Variants in TMEM184A observed in about 807,000 individuals in gnomAD.
TMEM184A encodes sexually dimorphic, expressed in male gonads 1.
Under a neutral mutation model 39.5 loss-of-function variants are expected in TMEM184A, and 40 were observed. The ratio of observed to expected loss-of-function variants is 1.01; its 90% CI spans 0.79 to 1.32. The LOEUF (loss-of-function observed/expected upper bound fraction) is 1.32. Ranked by LOEUF, TMEM184A falls within the 40% of genes most tolerant of loss-of-function variation. The pLI is 0.00. For synonymous variants in TMEM184A, 280 were observed against 252.3 expected, an observed-to-expected ratio of 1.11 and a Z score of -1.04; for missense variants, 603 against 568.8, an observed-to-expected ratio of 1.06 and a Z score of -0.61.
At position 1,546,566 on chromosome 7, in the gene TMEM184A, G is replaced by A. The variant is rs896420088; in HGVS notation, c.*386C>T. On this transcript the variant is annotated 3_prime_UTR_variant, in exon 9 of 9. Transcript: ENST00000297477. ...CAGCTGCCCAGCCTGGGATCCGTCC[G>A]CTGTCTGTCTCCTGAACCAGGGAGT... is the stretch of plus-strand genomic sequence containing the variant. 2.5e-4 allele frequency: 47 copies of A among 184,506 alleles called. 1 individual carries two copies. The highest frequency in any genetic ancestry group is 4.3e-4 in the Admixed American group (7 of 16,212). The allele number at this position is 184,506 out of a possible 1,614,324, so 11.4% of individuals were successfully genotyped here. A position where few individuals can be genotyped will look rare whatever the true frequency, so the allele number is the denominator to read the frequency against.
chr7:1,554,975 T>G (rs1430672005), intron 2 of TMEM184A, among the ~76,000 whole-genome samples: 1 of 152,104 alleles, frequency 6.6e-6, no homozygotes, highest in East Asian at 1.9e-4. Context: ...AGTCTTCTTG[T>G]CTGTGAAATG....
Position 1,542,701 on chromosome 7 carries a change from CTCTT to C in TMEM184A, c.*4247_*4250del, listed in dbSNP as rs1784224416. 6.6e-6 allele frequency: 1 copy of C among 152,524 alleles called. No homozygotes were observed. The highest frequency in any genetic ancestry group is 2.4e-5 in the African/African-American group (1 of 41,458). The allele number at this position is 152,524 out of a possible 1,614,324, so 9.4% of individuals were successfully genotyped here. On this transcript the variant is annotated 3_prime_UTR_variant, in exon 9 of 9. Coordinates refer to ENST00000297477, the MANE Select transcript of TMEM184A (RefSeq NM_001097620.2). Reference sequence around the variant, plus strand: ...TTTTATTTAAGAAAAAGACGAGGGACTCTTTGTCACGTGGGTTTGTTTTCTGTCT... The same window carrying C: ...TTTTATTTAAGAAAAAGACGAGGGACTGTCACGTGGGTTTGTTTTCTGTCT...
intron 3 of TMEM184A, among the ~76,000 whole-genome samples, 183 bp downstream of exon 3, chr7:1,550,634 C>T (rs1194291583): frequency 5.9e-5 from 9 of 152,292 alleles, no homozygotes; most frequent in Admixed American, 5.2e-4. Context: ...CTCACGGAGG[C>T]TGTGGGGTCA....
intron 6 of TMEM184A, 200 bp downstream of exon 6, chr7:1,549,654 C>G (rs1209327765): frequency 4.4e-6 from 3 of 688,394 alleles, no homozygotes; most frequent in African/African-American, 1.8e-5. Context: ...CCTAGCCCAG[C>G]CGGACGCCAG....
In TMEM184A at chr7:1,550,987, G is replaced by T; in HGVS notation, c.220-5C>A. The T allele has an allele frequency of 6.2e-7, 1 of 1,610,550 alleles. No individual in the cohort carries two copies. Among genetic ancestry groups the T allele is most frequent in the Non-Finnish European group, 8.5e-7 (1 of 1,179,006 alleles). ...GGAGCGCAGGTGCAGATAGATCTGGGCGCAGGAGGGGTCGCATGAGAGCCG... is the reference window on the plus strand; with the variant it reads ...GGAGCGCAGGTGCAGATAGATCTGGTCGCAGGAGGGGTCGCATGAGAGCCG... On this transcript the variant is annotated splice_polypyrimidine_tract_variant and splice_region_variant and intron_variant, in intron 2 of 8. Transcript: ENST00000297477.
At chr7:1,548,400 G>A in intron 7 of TMEM184A, 119 bp downstream of exon 7, 2 of 1,216,456 alleles carry the variant, frequency 1.6e-6, no homozygotes, top group Non-Finnish European at 2.3e-6. Context: ...GCTGACCTGT[G>A]CTGCAGCTGG....
chr7:1,551,797 C>CGTGGTGGCGCGCGCCTGT (rs1784611055), intron 2 of TMEM184A, among the ~76,000 whole-genome samples: 2 of 151,952 alleles, frequency 1.3e-5, no homozygotes, highest in Non-Finnish European at 2.9e-5. Flanking sequence ...ATTAGCCAGG[C>CGTGGTGGCGCGCGCCTGT]ATGGTGGCGC....
At chr7:1,549,073 TGTGA>T (rs1247995497) in intron 6 of TMEM184A, 12 of 485,758 alleles carry the variant, frequency 2.5e-5, no homozygotes, top group African/African-American at 1.4e-4. Context: ...GTCGTTCCCG[TGTGA>T]GTGTGTGCAC....
Position 1,555,442 on chromosome 7 carries a change from G to C in TMEM184A, c.43C>G (p.Leu15Val). ...SGILETAGVP[L>V]VSANWPQPSP... ...GGCTGCGGCCAGTTCGCTGACACCA[G>C]GGGGACGCCGGCTGTCTCCAGGATC... is the stretch of plus-strand genomic sequence containing the variant. Residue 15 changes from leucine (L) to valine (V), a missense_variant, in exon 2 of 9, where the codon CTG (leucine) becomes GTG (valine). Transcript: ENST00000297477. The surrounding 1 kb of genome is among the most constrained non-coding windows in gnomAD (Gnocchi z 5.2). 1 of 1,610,172 alleles carries C rather than the reference G, an allele frequency of 6.2e-7. No individual in the cohort carries two copies. Among genetic ancestry groups the C allele is most frequent in the African/African-American group, 1.3e-5 (1 of 74,994 alleles).
At chr7:1,549,501 G>C (rs1343425787) in intron 6 of TMEM184A, 1 of 482,214 alleles carries the variant, frequency 2.1e-6, no homozygotes, top group South Asian at 1.5e-5. Context: ...CTGGCCAGAA[G>C]CCCTGGGGTC....
In TMEM184A at chr7:1,546,620, C is replaced by T. The variant is rs1026744236; in HGVS notation, c.*332G>A. Reference sequence around the variant, plus strand: ...ACCCACTCACAGCTCCCATGGGGTCCGTGCAGCCAAGGCCCCGCAGCCACA... The same window carrying T: ...ACCCACTCACAGCTCCCATGGGGTCTGTGCAGCCAAGGCCCCGCAGCCACA... On this transcript the variant is annotated 3_prime_UTR_variant, in exon 9 of 9. Coordinates refer to ENST00000297477, the MANE Select transcript of TMEM184A (RefSeq NM_001097620.2). The T allele has an allele frequency of 1.5e-4, 41 of 272,314 alleles. No homozygotes were observed. The highest frequency in any genetic ancestry group is 3.4e-5 in the Non-Finnish European group (5 of 145,520). 16.9% of individuals were successfully genotyped at this position (272,314 alleles called of 1,614,324 possible). A position where few individuals can be genotyped will look rare whatever the true frequency, so the allele number is the denominator to read the frequency against.
chr7:1,555,432 G>A lies in TMEM184A; in HGVS notation c.53C>T (p.Ala18Val), dbSNP rs17852421. 402,490 of 1,610,586 alleles carry A rather than the reference G, an allele frequency of 0.25. 52,552 individuals are homozygous for A. The highest frequency in any genetic ancestry group is 0.38 in the Admixed American group (22,870 of 59,870). ...LETAGVPLVS[A>V]NWPQPSPPPA... ...TGGGGGGCTGGGCTGCGGCCAGTTC[G>A]CTGACACCAGGGGGACGCCGGCTGT... The change falls in exon 2 of 9, where the codon GCG becomes GTG. Residue 18 changes from alanine to valine, a missense_variant. Ala to Val is a moderately conservative substitution (Grantham distance 64, BLOSUM62 0). Coordinates refer to ENST00000297477, the MANE Select transcript of TMEM184A (RefSeq NM_001097620.2). This position sits in a 1 kb window ranked among gnomAD's most constrained non-coding sequence, Gnocchi z 5.2.
rs1784450946 is a variant in TMEM184A at position 1,548,688 on chromosome 7, A to G, written c.645T>C (p.Asn215=). 6 of 1,612,878 alleles carry G rather than the reference A, an allele frequency of 3.7e-6. No individual in the cohort carries two copies. The highest frequency in any genetic ancestry group is 1.1e-5 in the South Asian group (1 of 91,062). Residue 215 remains asparagine (N), a splice_region_variant and synonymous_variant, in exon 7 of 9, where the codon AAT becomes AAC. Transcript: ENST00000297477. ...AFGKYHDGDF[N]VRSGYLYVTL... The stretch of plus-strand genomic sequence containing the variant: ...TCACATAGAGGTAGCCGCTGCGGAC[A>G]CTAGGACAGACGGGGGCTGTGGTCA...
Position 1,546,147 on chromosome 7 carries a change from C to T in TMEM184A, c.*805G>A, listed in dbSNP as rs1253674734. On this transcript the variant is annotated 3_prime_UTR_variant, in exon 9 of 9. Transcript: ENST00000297477. ...GGGACCCCTTTCCCGCATGCAGACT[C>T]TGAGCAGCAGCCTCCTGTGACCCCC... 2.0e-5 allele frequency: 3 copies of T among 152,754 alleles called. No individual in the cohort carries two copies. The highest frequency in any genetic ancestry group is 7.2e-5 in the African/African-American group (3 of 41,470). The allele number at this position is 152,754 out of a possible 1,614,324, so 9.5% of individuals were successfully genotyped here. A position where few individuals can be genotyped will look rare whatever the true frequency, so the allele number is the denominator to read the frequency against.
At chr7:1,556,062 A>C (rs896774226) in intron 1 of TMEM184A, 52 bp downstream of exon 1, 1 of 163,958 alleles carries the variant, frequency 6.1e-6, no homozygotes, top group African/African-American at 2.4e-5. Context: ...CTCGCAGCCC[A>C]GTCCAGCCTC....
chr7:1,548,951 G>A (rs566851394), intron 6 of TMEM184A: 1 of 632,904 alleles, frequency 1.6e-6, no homozygotes, highest in African/African-American at 1.8e-5. Flanking sequence ...CTCGTCCCAG[G>A]ATCCTGTCCA....
Position 1,550,798 on chromosome 7 carries a change from G to A in TMEM184A, c.385+19C>T, listed in dbSNP as rs749972957. 2 of 1,610,984 alleles carry A rather than the reference G, an allele frequency of 1.2e-6. No individual in the cohort carries two copies. Among genetic ancestry groups the A allele is most frequent in the African/African-American group, 1.3e-5 (1 of 74,892 alleles). On this transcript the variant is annotated intron_variant, in intron 3 of 8. Transcript: ENST00000297477. ...GTCTCTCCCTCCGCTCCCCCGACCT[G>A]ACGCAGCCTGGCGCCCACCTTCGTA...
rs1212841118 is a variant in TMEM184A at position 1,555,276 on chromosome 7, G to T, written c.209C>A (p.Thr70Asn). The T allele has an allele frequency of 6.2e-7, 1 of 1,604,576 alleles. No individual in the cohort carries two copies. Among genetic ancestry groups the T allele is most frequent in the Admixed American group, 1.7e-5 (1 of 58,880 alleles). ...GGCGGAAGGGCTTACCTGGTGGCAG[G>T]TGAGCACCAGGGCAGTCCACACGAA... is the stretch of plus-strand genomic sequence containing the variant. ...GIFVWTALVL[T>N]CHQIYLHLRS... The change falls in exon 2 of 9, where the codon ACC becomes AAC. Residue 70 changes from threonine (T) to asparagine (N), a missense_variant. Coordinates refer to ENST00000297477, the MANE Select transcript of TMEM184A (RefSeq NM_001097620.2). The surrounding 1 kb of genome is among the most constrained non-coding windows in gnomAD (Gnocchi z 5.2).
In TMEM184A at chr7:1,545,915, C is replaced by T; in HGVS notation, c.*1037G>A. ...GAGGCAGGTGCCCAGGTGGGAGCCCCCTCTGTGCCCCCTGGGAGTGTCCCC... is the reference window on the plus strand; with the variant it reads ...GAGGCAGGTGCCCAGGTGGGAGCCCTCTCTGTGCCCCCTGGGAGTGTCCCC... On this transcript the variant is annotated 3_prime_UTR_variant, in exon 9 of 9. Coordinates refer to ENST00000297477, the MANE Select transcript of TMEM184A (RefSeq NM_001097620.2). The T allele has an allele frequency of 6.6e-6, 1 of 152,502 alleles. No individual in the cohort carries two copies. Among genetic ancestry groups the T allele is most frequent in the Non-Finnish European group, 1.5e-5 (1 of 68,086 alleles). The allele number at this position is 152,502 out of a possible 1,614,324, so 9.4% of individuals were successfully genotyped here. A position where few individuals can be genotyped will look rare whatever the true frequency, so the allele number is the denominator to read the frequency against.
Sources: allele counts gnomAD v4.1 joint callset (sites outside exome capture counted in the v4.1 genomes callset), GRCh38; gene constraint gnomAD v4.1.1; non-coding constraint Gnocchi (gnomAD v3.1); transcripts MANE v1.5; gene names NCBI Gene and HGNC (gene_info 2026-07-23, HGNC 2026-07-21).